Variants in ADK observed in about 807,000 individuals in gnomAD.
The protein encoded by ADK is adenosine kinase, also known as N6,N6-dimethyladenosine kinase.
A neutral mutation model predicts 44.7 loss-of-function variants in ADK; 24 were observed. The ratio of observed to expected loss-of-function variants is 0.54; its 90% confidence interval spans 0.39 to 0.76. The LOEUF (loss-of-function observed/expected upper bound fraction) is 0.76. ADK is among the 30% of genes least tolerant of loss of function. ADK has a pLI of 0.00. For synonymous variants in ADK, 128 were observed against 142.6 expected (o/e 0.90, Z 0.73); for missense variants, 321 against 425.1 (o/e 0.76, Z 2.15).
rs1343660712 is a variant in ADK, at chr10:74,497,758, G to C, written c.556-27498G>C. ...AGACAGGATGGTCACTTGAGCCCAG[G>C]AGTTTGAGTAGCCACTGCACGTCAG... On this transcript the variant is annotated intron_variant, in intron 6 of 10. Coordinates refer to ENST00000539909, the MANE Select transcript of ADK (RefSeq NM_006721.4). 6.6e-5 allele frequency among the ~76,000 whole-genome samples: 10 copies of C among 152,298 alleles called. No individual in the cohort carries two copies. In the East Asian group the frequency reaches 1.9e-3, roughly 29 times the overall value.
chr10:74,322,020 G>A (rs909157305), intron 4 of ADK, among the ~76,000 whole-genome samples: 3 of 152,242 alleles, frequency 2.0e-5, no homozygotes, highest in South Asian at 2.1e-4. Context: ...TAAAACTGAT[G>A]TAAATCAAAG....
At chr10:74,378,128 C>T (rs1161166463) in intron 4 of ADK, among the ~76,000 whole-genome samples, 1 of 151,626 alleles carries the variant, frequency 6.6e-6, no homozygotes. Context: ...GAATCACTTC[C>T]CATAATAATC....
intron 6 of ADK, among the ~76,000 whole-genome samples, chr10:74,449,695 TA>T (rs1845704662): frequency 6.6e-6 from 1 of 152,210 alleles, no homozygotes; most frequent in Non-Finnish European, 1.5e-5. Flanking sequence ...TAAGTATTGT[TA>T]GAAGAAGTGG....
chr10:74,590,927 A>G (rs564024229), intron 8 of ADK, among the ~76,000 whole-genome samples: 95 of 152,258 alleles, frequency 6.2e-4, no homozygotes, highest in African/African-American at 2.2e-3. Flanking sequence ...CATAGAAGAA[A>G]ACTTTCAGAA....
At chr10:74,173,237 C>T (rs1842219932) in intron 1 of ADK, among the ~76,000 whole-genome samples, 1 of 146,388 alleles carries the variant, frequency 6.8e-6, no homozygotes, top group Non-Finnish European at 1.5e-5. Context: ...ACTACAGGCA[C>T]CCGCCACCAC....
intron 6 of ADK, among the ~76,000 whole-genome samples, chr10:74,429,179 G>A (rs529334179): frequency 5.9e-5 from 9 of 152,292 alleles, no homozygotes; most frequent in African/African-American, 2.2e-4. Flanking sequence ...ACATCTTAAA[G>A]TAGACTAATA....
chr10:74,562,923 GTTGTGTTGTCTTATGGGTGT>G (rs1850512874), intron 7 of ADK, among the ~76,000 whole-genome samples: 3 of 151,814 alleles, frequency 2.0e-5, no homozygotes, highest in African/African-American at 7.3e-5. Context: ...TTTTCTTTGT[GTTGTGTTGTCTTATGGGTGT>G]TTGTTTTATT....
At chr10:74,283,850 T>G (rs1847049352) in intron 3 of ADK, among the ~76,000 whole-genome samples, 1 of 147,642 alleles carries the variant, frequency 6.8e-6, no homozygotes, top group Non-Finnish European at 1.5e-5. Flanking sequence ...CTGGCTAATT[T>G]TTTGTATTTT....
At chr10:74,366,383 G>A (rs1842499791) in intron 4 of ADK, among the ~76,000 whole-genome samples, 1 of 152,100 alleles carries the variant, frequency 6.6e-6, no homozygotes, top group South Asian at 2.1e-4. Context: ...GCCTTCATTG[G>A]TTGATATTGA....
chr10:74,533,245 T>A (rs1018197006), intron 7 of ADK, among the ~76,000 whole-genome samples: 6 of 152,234 alleles, frequency 3.9e-5, no homozygotes, highest in Non-Finnish European at 5.9e-5. Flanking sequence ...TATAGTTTAG[T>A]GTAATTCAGT....
intron 8 of ADK, among the ~76,000 whole-genome samples, chr10:74,589,804 A>C (rs1326389040): frequency 6.6e-6 from 1 of 152,220 alleles, no homozygotes; most frequent in African/African-American, 2.4e-5. Flanking sequence ...GTTGTTAGGA[A>C]CTGATTAATT....
intron 3 of ADK, among the ~76,000 whole-genome samples, chr10:74,239,672 C>T (rs555506949): frequency 1.4e-4 from 19 of 135,008 alleles, no homozygotes; most frequent in Admixed American, 5.0e-4. Flanking sequence ...GCCATGATTG[C>T]GCCACTGGAC....
intron 1 of ADK, among the ~76,000 whole-genome samples, chr10:74,188,647 C>T (rs902605443): frequency 3.3e-5 from 5 of 152,156 alleles, no homozygotes; most frequent in South Asian, 4.1e-4. Context: ...CCACTGCGCC[C>T]GGCCACCTTG....
At chr10:74,515,984 C>A (rs1176825216) in intron 6 of ADK, among the ~76,000 whole-genome samples, 6 of 152,116 alleles carry the variant, frequency 3.9e-5, no homozygotes, top group Admixed American at 3.9e-4. Context: ...GGCCACTTTC[C>A]CCCCAGAGGA....
intron 3 of ADK, among the ~76,000 whole-genome samples, chr10:74,274,584 A>T (rs578171565): frequency 6.6e-6 from 1 of 151,600 alleles, no homozygotes; most frequent in Admixed American, 6.6e-5. Flanking sequence ...GTCATAAGAG[A>T]AAACCTGTTT....
chr10:74,156,908 A>G (rs1841762372), intron 1 of ADK, among the ~76,000 whole-genome samples: 1 of 152,222 alleles, frequency 6.6e-6, no homozygotes, highest in Non-Finnish European at 1.5e-5. Flanking sequence ...CAAGATAAAC[A>G]TCTCCAGGGA....
chr10:74,687,779 A>G (rs1418678245), intron 10 of ADK, among the ~76,000 whole-genome samples: 6 of 152,116 alleles, frequency 3.9e-5, no homozygotes, highest in Non-Finnish European at 8.8e-5. Context: ...TTAAGGATGT[A>G]TCTCAAATTT....
intron 3 of ADK, among the ~76,000 whole-genome samples, chr10:74,284,247 A>G (rs970865726): frequency 6.7e-6 from 1 of 149,148 alleles, no homozygotes. Flanking sequence ...GGCATGAGCC[A>G]CCACGCCTGG....
Position 74,459,507 on chromosome 10 carries a change from G to A in ADK, c.555+60928G>A, listed in dbSNP as rs569254774. On this transcript the variant is annotated intron_variant, in intron 6 of 10. Transcript: ENST00000539909. ...GCACTTTGGGAGGCTGAGGTGGGCA[G>A]ATCACGAGGTCAAGAGATCGAGACC... is the stretch of plus-strand genomic sequence containing the variant. Among the ~76,000 whole-genome samples the A allele has an allele frequency of 7.2e-5, 11 of 151,912 alleles. No homozygotes were observed. In the South Asian group the frequency reaches 2.3e-3, roughly 32 times the overall value.
Sources: allele counts gnomAD v4.1 joint callset (sites outside exome capture counted in the v4.1 genomes callset), GRCh38; gene constraint gnomAD v4.1.1; transcripts MANE v1.5; gene names NCBI Gene and HGNC (gene_info 2026-07-23, HGNC 2026-07-21).